The following LETMD1 variants were observed in gnomAD, a reference collection of about 807,000 sequenced individuals.
LETMD1 encodes the protein LETM1 domain containing 1, also known as LETM1 domain-containing protein 1.
In LETMD1, 30 loss-of-function variants were observed where a neutral mutation model predicts 43.9. The ratio of observed to expected loss-of-function variants is 0.68; its 90% CI spans 0.51 to 0.93. The LOEUF is 0.93. Among genes scored for constraint, LETMD1 ranks in the 40% least tolerant of loss-of-function variants. LETMD1 has a pLI of 0.00. For missense variants in LETMD1, 413 were observed against 447.7 expected (o/e 0.92, Z 0.70); for synonymous variants, 176 against 163.1 (o/e 1.08, Z -0.60).
intron 4 of LETMD1, among the ~76,000 whole-genome samples, chr12:51,054,817 G>A (rs1947169886): frequency 6.6e-6 from 1 of 152,084 alleles, no homozygotes; most frequent in Admixed American, 6.6e-5. Context: ...AAAACAAATC[G>A]TGGCCAGGTG....
intron 8 of LETMD1, 59 bp from the exon 9 acceptor site, chr12:51,059,302 A>C: frequency 2.0e-6 from 3 of 1,480,398 alleles, no homozygotes; most frequent in Non-Finnish European, 2.8e-6. Flanking sequence ...TAAGCCATAT[A>C]TAACAAGGCA....
chr12:51,056,699 G>A, intron 7 of LETMD1, 197 bp downstream of exon 7: 1 of 464,094 alleles, frequency 2.2e-6, no homozygotes, highest in African/African-American at 2.0e-5. Context: ...CTGTTGCCCA[G>A]GCTAGAGTAC....
the LETMD1 span, among the ~76,000 whole-genome samples, chr12:51,066,127 C>A: frequency 6.6e-6 from 1 of 151,280 alleles, no homozygotes; most frequent in East Asian, 1.9e-4. Flanking sequence ...TGAGACCTGC[C>A]CGGCCAACAT....
chr12:51,060,901 C>CAAA (rs35850463), downstream of LETMD1, among the ~76,000 whole-genome samples: 2,083 of 65,384 alleles, frequency 0.032, 117 homozygotes, highest in African/African-American at 0.11. Context: ...GATTCTGTCT[C>CAAA]AAAAAAAAAA....
intron 3 of LETMD1, 61 bp from the exon 4 acceptor site, chr12:51,053,717 T>A: frequency 9.1e-7 from 1 of 1,104,360 alleles, no homozygotes; most frequent in Non-Finnish European, 1.4e-6. Context: ...GGTGGATGGA[T>A]TGTCTATTGT....
chr12:51,061,572 TAATATTTAGCACTTAA>T (rs571319882), downstream of LETMD1: 87 of 152,746 alleles, frequency 5.7e-4, no homozygotes, highest in African/African-American at 1.9e-3. Context: ...TGCTAAATGT[TAATATTTAGCACTTAA>T]AAGTTTGGGA....
Position 51,049,109 on chromosome 12 carries a change from G to T in LETMD1, c.198G>T (p.Ala66=), listed in dbSNP as rs1253458585. Residue 66 remains alanine, a synonymous_variant, in exon 2 of 9, where the codon GCG becomes GCT. Transcript: ENST00000262055. ...LMSYVVTKTK[A]INGKYHRFLG... ...CTTATGTGGTAACCAAGACAAAAGC[G>T]ATTAATGGGAAATACCATCGTTTCT... 2 of 1,613,792 alleles carry T rather than the reference G, an allele frequency of 1.2e-6. No individual in the cohort carries two copies. The highest frequency in any genetic ancestry group is 1.6e-4 in the Middle Eastern group (1 of 6,062).
At chr12:51,048,545 G>A (rs1944998087) in intron 1 of LETMD1, 67 bp downstream of exon 1, 1 of 1,579,812 alleles carries the variant, frequency 6.3e-7, no homozygotes. Context: ...AACCTTGCTT[G>A]CATTCTGTCT....
chr12:51,060,879 G>A (rs1948800908), downstream of LETMD1, among the ~76,000 whole-genome samples: 1 of 146,558 alleles, frequency 6.8e-6, no homozygotes. Flanking sequence ...TCCAGTCTGG[G>A]CGACAGAATG....
intron 4 of LETMD1, 136 bp from the exon 5 acceptor site, chr12:51,055,695 AAAAG>A (rs1183006770): frequency 1.5e-5 from 7 of 453,896 alleles, no homozygotes; most frequent in East Asian, 3.5e-5. Flanking sequence ...AAAAAACTGA[AAAAG>A]AAAAAGAACA....
Position 51,048,332 on chromosome 12 carries a change from C to T in LETMD1, c.-25C>T. The T allele has an allele frequency of 6.2e-7, 1 of 1,614,054 alleles. No homozygotes were observed. The highest frequency in any genetic ancestry group is 8.5e-7 in the Non-Finnish European group (1 of 1,179,954). On this transcript the variant is annotated 5_prime_UTR_variant, in exon 1 of 9. Transcript: ENST00000262055. The stretch of plus-strand genomic sequence containing the variant: ...AACTTTGACCCAAAGACAACCTCTT[C>T]TCTCCCGCTTCTCTCGCTGTGAAGA...
downstream of LETMD1, chr12:51,061,133 G>T (rs558471019): frequency 2.0e-5 from 3 of 152,128 alleles, no homozygotes; most frequent in African/African-American, 7.2e-5. Context: ...GTTTTATAAC[G>T]AAGCTAGAGA....
rs896239213 is a variant in LETMD1 at position 51,056,110 on chromosome 12, T to C, written c.661-34T>C. The C allele has an allele frequency of 3.7e-6, 6 of 1,610,588 alleles. No individual in the cohort carries two copies. The South Asian group carries it at 4.4e-5, about 12-fold the overall frequency. On this transcript the variant is annotated intron_variant, in intron 5 of 8. Transcript: ENST00000262055. ...TAGGTAAGAGGAGTAGTCAGGACTT[T>C]CCTAACATCTACAAATCTCTTACCT...
intron 3 of LETMD1, among the ~76,000 whole-genome samples, chr12:51,052,825 G>T (rs1946551926): frequency 6.6e-6 from 1 of 151,774 alleles, no homozygotes; most frequent in South Asian, 2.1e-4. Context: ...TGCAAGGGCA[G>T]CCAGGCACAG....
chr12:51,067,650 A>G, the LETMD1 span: 1 of 1,606,748 alleles, frequency 6.2e-7, no homozygotes, highest in South Asian at 1.1e-5. The surrounding 1 kb of genome is among the most constrained non-coding windows in gnomAD (Gnocchi z 4.1). Flanking sequence ...TAGATATACT[A>G]TCTCAGGCCA....
chr12:51,053,554 G>A (rs1285671682), intron 3 of LETMD1, among the ~76,000 whole-genome samples: 2 of 151,886 alleles, frequency 1.3e-5, no homozygotes, highest in Non-Finnish European at 2.9e-5. Flanking sequence ...GAGGCAGGAG[G>A]ATCACTTGAA....
chr12:51,049,474 G>A (rs973039580), intron 2 of LETMD1: 1 of 315,030 alleles, frequency 3.2e-6, no homozygotes, highest in African/African-American at 2.1e-5. Context: ...GAAATTTTTT[G>A]CCTTGCACAC....
rs761872388 is a variant in LETMD1, at chr12:51,056,212, T to C, written c.729T>C (p.Pro243=). The change falls in exon 6 of 9, where the codon CCT becomes CCC. Residue 243 remains proline (P), a synonymous_variant. Transcript: ENST00000262055. ...LALRECFSNH[P]LGMNQLQALH... is the part of the protein sequence containing the mutation. ...TGAGAGAGTGTTTCTCTAACCATCC[T>C]CTGGGCATGAACCAACTCCAGGCTT... The C allele has an allele frequency of 1.3e-5, 21 of 1,614,146 alleles. No homozygotes were observed. Among genetic ancestry groups the C allele is most frequent in the Non-Finnish European group, 1.7e-5 (20 of 1,180,058 alleles).
Position 51,058,046 on chromosome 12 carries a change from T to C in LETMD1, c.930T>C (p.Arg310=), listed in dbSNP as rs754375388. Residue 310 remains arginine (R), a synonymous_variant, in exon 8 of 9, where the codon CGT becomes CGC. Coordinates refer to ENST00000262055, the MANE Select transcript of LETMD1 (RefSeq NM_015416.5). The part of the protein sequence containing the change: ...AQEVKSACYL[R]GLNSTHIGED... ...GAGTGGTATAGGCTTGTTATCTCCG[T>C]GGCCTGAATTCTACGCATATTGGTG... is the stretch of plus-strand genomic sequence containing the variant. 6.2e-7 allele frequency: 1 copy of C among 1,612,214 alleles called. No individual in the cohort carries two copies. The highest frequency in any genetic ancestry group is 8.5e-7 in the Non-Finnish European group (1 of 1,178,306).
Sources: gnomAD v4.1 joint callset for allele counts (sites outside exome capture counted in the v4.1 genomes callset) on GRCh38, gnomAD v4.1.1 for gene constraint, Gnocchi (gnomAD v3.1) non-coding constraint, MANE v1.5 for transcripts, NCBI Gene and HGNC (gene_info 2026-07-23, HGNC 2026-07-21) for gene names.